Variants in WDR49 observed in about 807,000 individuals in gnomAD.
WDR49 encodes WD repeat domain 49.
WDR49 carries 107 observed loss-of-function variants against 119.5 expected under a neutral mutation model. That is an observed-to-expected ratio of 0.90 (90% CI 0.77 to 1.05). The LOEUF is 1.05. Ranked by LOEUF, WDR49 falls within the 50% of genes least tolerant of loss-of-function variation. WDR49 has a pLI of 0.00. For synonymous variants in WDR49, 425 were observed against 418.8 expected (o/e 1.01, Z -0.18); for missense variants, 1,240 against 1,220.5 (o/e 1.02, Z -0.24).
chr3:167,561,982 G>A (rs969520928), intron 8 of WDR49, among the ~76,000 whole-genome samples: 50 of 152,022 alleles, frequency 3.3e-4, no homozygotes, highest in Admixed American at 2.6e-4. Flanking sequence ...TGAGCGCAGA[G>A]TATTTGAAGG....
chr3:167,491,726 C>T (rs1369541392), intron 18 of WDR49, among the ~76,000 whole-genome samples: 3 of 152,036 alleles, frequency 2.0e-5, no homozygotes, highest in Admixed American at 2.0e-4. Context: ...ATTGGCAAAA[C>T]CTGACTCAGA....
At chr3:167,516,476 C>T (rs1752208852) in intron 16 of WDR49, among the ~76,000 whole-genome samples, 1 of 152,090 alleles carries the variant, frequency 6.6e-6, no homozygotes, top group South Asian at 2.1e-4. Flanking sequence ...ATATATGCCA[C>T]ATTTTCTTAA....
chr3:167,532,848 C>T, intron 12 of WDR49, 31 bp downstream of exon 12: 2 of 1,531,780 alleles, frequency 1.3e-6, no homozygotes, highest in Non-Finnish European at 1.8e-6. Flanking sequence ...TTTGACTAGC[C>T]ATGTTATTTT....
chr3:167,587,349 G>A (rs951803649), intron 7 of WDR49, among the ~76,000 whole-genome samples: 17 of 152,156 alleles, frequency 1.1e-4, no homozygotes, highest in African/African-American at 3.9e-4. Flanking sequence ...TTTCACTCAA[G>A]TTTTTTGATA....
At chr3:167,555,939 A>G (rs1326282580) in intron 9 of WDR49, among the ~76,000 whole-genome samples, 1 of 152,224 alleles carries the variant, frequency 6.6e-6, no homozygotes, top group Non-Finnish European at 1.5e-5. Context: ...CTCCTAGGCT[A>G]CAAAACTGTA....
At chr3:167,639,748 C>G (rs1717791432) in intron 2 of WDR49, among the ~76,000 whole-genome samples, 1 of 151,928 alleles carries the variant, frequency 6.6e-6, no homozygotes, top group East Asian at 1.9e-4. Context: ...ACATCCTTCT[C>G]AAACCAAAGA....
intron 2 of WDR49, among the ~76,000 whole-genome samples, chr3:167,628,673 A>G (rs546666138): frequency 2.8e-4 from 43 of 152,290 alleles, no homozygotes; most frequent in African/African-American, 1.0e-3. Context: ...AAAGTGCAAC[A>G]TGAAGCAGAA....
chr3:167,529,401 G>A (rs954476872), intron 13 of WDR49, among the ~76,000 whole-genome samples, 162 bp from the exon 14 acceptor site: 4 of 152,074 alleles, frequency 2.6e-5, no homozygotes, highest in African/African-American at 2.4e-5. Flanking sequence ...TAAAATGGAG[G>A]TGACGCTATG....
At chr3:167,510,313 G>A (rs560998020) in intron 16 of WDR49, among the ~76,000 whole-genome samples, 1 of 152,148 alleles carries the variant, frequency 6.6e-6, no homozygotes, top group South Asian at 2.1e-4. Context: ...TGTATTTTCT[G>A]AATTATTCAT....
chr3:167,575,795 C>T, intron 8 of WDR49, 123 bp downstream of exon 8: 1 of 930,012 alleles, frequency 1.1e-6, no homozygotes. Flanking sequence ...GCTATTAAAT[C>T]ATTTCTTCCC....
intron 17 of WDR49, among the ~76,000 whole-genome samples, chr3:167,502,129 C>T (rs759569753): frequency 2.0e-5 from 3 of 152,060 alleles, no homozygotes; most frequent in Non-Finnish European, 2.9e-5. Flanking sequence ...ATGGTTTAAA[C>T]GTGTGTGGCA....
At chr3:167,645,934 C>T (rs1055635308) in intron 2 of WDR49, among the ~76,000 whole-genome samples, 10 of 152,148 alleles carry the variant, frequency 6.6e-5, no homozygotes, top group Non-Finnish European at 1.2e-4. Context: ...CATTGTAGGG[C>T]GCTAATCCCG....
chr3:167,633,428 T>C (rs752880267), intron 2 of WDR49: 1 of 456,080 alleles, frequency 2.2e-6, no homozygotes, highest in South Asian at 1.6e-5. Context: ...GAACCATGGC[T>C]CTTTCACATA....
intron 10 of WDR49, among the ~76,000 whole-genome samples, chr3:167,540,046 G>A (rs1156473089): frequency 6.6e-6 from 1 of 152,114 alleles, no homozygotes; most frequent in Non-Finnish European, 1.5e-5. Flanking sequence ...AAAAACTGGT[G>A]CTTTCTCAAA....
At position 167,522,481 on chromosome 3, in the gene WDR49, T is replaced by C; in HGVS notation, c.2608A>G (p.Lys870Glu). 6.3e-7 allele frequency: 1 copy of C among 1,586,322 alleles called. No homozygotes were observed. The highest frequency in any genetic ancestry group is 8.5e-7 in the Non-Finnish European group (1 of 1,173,676). ...NAPVWIFGQAKHWHIENCLFL... is the reference protein window; with the variant it reads ...NAPVWIFGQAEHWHIENCLFL... ...AGGCAGTTTTCAATATGCCAGTGCTTTGCCTGAAAAAAACGAAAACATCTG... is the reference window on the plus strand; with the variant it reads ...AGGCAGTTTTCAATATGCCAGTGCTCTGCCTGAAAAAAACGAAAACATCTG... The change falls in exon 16 of 19, where the codon AAG (lysine) becomes GAG (glutamate). Residue 870 changes from lysine (K) to glutamate (E), a missense_variant. Lys to Glu is a moderately conservative substitution (Grantham distance 56). Coordinates refer to ENST00000682715, the MANE Select transcript of WDR49 (RefSeq NM_001366157.1).
At chr3:167,526,532 C>T (rs889522741) in intron 15 of WDR49, among the ~76,000 whole-genome samples, 1 of 152,150 alleles carries the variant, frequency 6.6e-6, no homozygotes, top group African/African-American at 2.4e-5. Context: ...AGCCATGTCC[C>T]ACCCTGTCTC....
Position 167,581,351 on chromosome 3 carries a change from C to T in WDR49, c.1276-5200G>A, listed in dbSNP as rs1209793301. Among the ~76,000 whole-genome samples the T allele has an allele frequency of 2.6e-5, 4 of 152,110 alleles. No homozygotes were observed. The East Asian group carries it at 7.7e-4, about 29-fold the overall frequency. On this transcript the variant is annotated intron_variant, in intron 7 of 18. Coordinates refer to ENST00000682715, the MANE Select transcript of WDR49 (RefSeq NM_001366157.1). ...ACCCAATCCTAGTTTTCATCCTAGGCAGTTCAGGTATGTGATTTTTATCTT... is the reference window on the plus strand; with the variant it reads ...ACCCAATCCTAGTTTTCATCCTAGGTAGTTCAGGTATGTGATTTTTATCTT...
intron 17 of WDR49, among the ~76,000 whole-genome samples, chr3:167,502,879 A>T (rs1213053023): frequency 6.6e-6 from 1 of 152,194 alleles, no homozygotes; most frequent in Non-Finnish European, 1.5e-5. Context: ...TGGCAAACAA[A>T]CAAATTTAAA....
At chr3:167,520,649 AT>A (rs1037225388) in intron 16 of WDR49, among the ~76,000 whole-genome samples, 14 of 152,158 alleles carry the variant, frequency 9.2e-5, no homozygotes, top group Non-Finnish European at 5.9e-5. Flanking sequence ...CTAAAGGGGA[AT>A]TTTTTTCTTC....
Sources: gnomAD v4.1 joint callset for allele counts (sites outside exome capture counted in the v4.1 genomes callset) on GRCh38, gnomAD v4.1.1 for gene constraint, MANE v1.5 for transcripts, NCBI Gene and HGNC (gene_info 2026-07-23, HGNC 2026-07-21) for gene names.